LRRD1: variants seen among roughly 807,000 people sequenced by gnomAD.
LRRD1 encodes leucine rich repeats and death domain containing 1.
A neutral mutation model predicts 69.5 loss-of-function variants in LRRD1; 49 were observed. The ratio of observed to expected loss-of-function variants is 0.70; its 90% CI spans 0.56 to 0.89. The LOEUF is 0.89. Among genes scored for constraint, LRRD1 ranks in the 40% least tolerant of loss-of-function variants. The pLI is 0.00. For missense variants in LRRD1, 853 were observed against 956.0 expected, an observed-to-expected ratio of 0.89 and a Z score of 1.42; for synonymous variants, 303 against 338.9, an observed-to-expected ratio of 0.89 and a Z score of 1.16.
intron 3 of LRRD1, among the ~76,000 whole-genome samples, chr7:92,154,767 T>G (rs754386083): frequency 6.6e-6 from 1 of 152,202 alleles, no homozygotes; most frequent in Non-Finnish European, 1.5e-5. Flanking sequence ...CAGCAATATT[T>G]GTTGAAAATA....
chr7:92,154,115 G>A (rs1336521923), intron 3 of LRRD1, among the ~76,000 whole-genome samples: 1 of 152,192 alleles, frequency 6.6e-6, no homozygotes, highest in Non-Finnish European at 1.5e-5. Context: ...TGGGATTACA[G>A]GCATGAGCCA....
chr7:92,160,325 C>T (rs1788769963), intron 2 of LRRD1, among the ~76,000 whole-genome samples: 1 of 152,140 alleles, frequency 6.6e-6, no homozygotes, highest in African/African-American at 2.4e-5. Flanking sequence ...TAGTCTCCAA[C>T]TTCACGGAGA....
Position 92,159,023 on chromosome 7 carries a change from G to A in LRRD1, c.2098C>T (p.Gln700Ter). 1.3e-6 allele frequency: 2 copies of A among 1,544,898 alleles called. No homozygotes were observed. Among genetic ancestry groups the A allele is most frequent in the African/African-American group, 1.4e-5 (1 of 72,678 alleles). The change falls in exon 3 of 6, where the codon CAG (glutamine) becomes TAG (stop). Residue 700 changes from glutamine (Q) to a stop codon, truncating the protein, a stop_gained. Coordinates refer to ENST00000458448, the MANE Select transcript of LRRD1 (RefSeq NM_001161528.2). LOFTEE classifies it high-confidence loss of function. Reference protein sequence around the residue: ...PPSLLSLNDLQQLNLSGNNLT... With the variant: ...PPSLLSLNDL ...CACTCACCACTCAGGTTTAGTTGCTGCAGATCATTTAAAGATAGCAAAGAT... is the reference window on the plus strand; with the variant it reads ...CACTCACCACTCAGGTTTAGTTGCTACAGATCATTTAAAGATAGCAAAGAT...
intron 1 of LRRD1, among the ~76,000 whole-genome samples, chr7:92,170,379 A>T (rs1789028762): frequency 6.6e-6 from 1 of 152,222 alleles, no homozygotes; most frequent in African/African-American, 2.4e-5. Context: ...ATATCCAGAT[A>T]CAGGAAGGTC....
In LRRD1 at chr7:92,167,876, C is replaced by CAAAAAAA. The variant is rs542619786; in HGVS notation, c.-74-2607_-74-2601dup. Reference sequence around the variant, plus strand: ...TGGGCAACACAGCGAGACTCTGTCTCAAAAAAAAAAAAAAAAAAAAAAAAA... The same window carrying CAAAAAAA: ...TGGGCAACACAGCGAGACTCTGTCTCAAAAAAAAAAAAAAAAAAAAAAAAAAAAAAAA... On this transcript the variant is annotated intron_variant, in intron 1 of 5. Transcript: ENST00000458448. 6.7e-3 allele frequency among the ~76,000 whole-genome samples: 311 copies of CAAAAAAA among 46,222 alleles called. 16 individuals are homozygous for CAAAAAAA. The highest frequency in any genetic ancestry group is 0.024 in the African/African-American group (257 of 10,572). The allele number at this position is 46,222 out of a possible 152,430, so 30.3% of individuals were successfully genotyped here.
At chr7:92,170,731 C>T (rs78904342) in intron 1 of LRRD1, among the ~76,000 whole-genome samples, 241 of 152,310 alleles carry the variant, frequency 1.6e-3, no homozygotes, top group South Asian at 3.1e-3. Flanking sequence ...TTCACCTAAT[C>T]GCTGCACAAT....
intron 3 of LRRD1, among the ~76,000 whole-genome samples, chr7:92,151,892 G>A (rs1370624272): frequency 6.6e-6 from 1 of 151,190 alleles, no homozygotes; most frequent in Non-Finnish European, 1.5e-5. Context: ...GAGGTTGCAG[G>A]GAGCCGAGAT....
Position 92,170,147 on chromosome 7 carries a change from A to C in LRRD1, c.-74-4871T>G, listed in dbSNP as rs1027712256. On this transcript the variant is annotated intron_variant, in intron 1 of 5. Transcript: ENST00000458448. ...AAGGAAGGGAGGAAGGAAGGACGGAAGGAAGGAAGGAAGGAGGGAAGGAAG... is the reference window on the plus strand; with the variant it reads ...AAGGAAGGGAGGAAGGAAGGACGGACGGAAGGAAGGAAGGAGGGAAGGAAG... Among the ~76,000 whole-genome samples the C allele has an allele frequency of 2.3e-4, 35 of 151,542 alleles. 1 individual carries two copies. Among genetic ancestry groups the C allele is most frequent in the African/African-American group, 8.0e-4 (33 of 41,380 alleles).
At chr7:92,146,340 G>A (rs753837337) in intron 4 of LRRD1, 140 bp from the exon 5 acceptor site, 24 of 532,368 alleles carry the variant, frequency 4.5e-5, no homozygotes, top group Admixed American at 3.3e-4. Context: ...AATGCTGGCC[G>A]GGCACAGTGG....
At chr7:92,162,864 C>T (rs947246768) in intron 2 of LRRD1, among the ~76,000 whole-genome samples, 1 of 151,968 alleles carries the variant, frequency 6.6e-6, no homozygotes, top group East Asian at 1.9e-4. Context: ...ATATGCATAA[C>T]GGGAAAAAAG....
intron 1 of LRRD1, among the ~76,000 whole-genome samples, chr7:92,174,483 A>G (rs1354735448): frequency 2.4e-4 from 3 of 12,508 alleles, no homozygotes; most frequent in Admixed American, 1.1e-3. Flanking sequence ...ATATATATAT[A>G]TATATATATA....
chr7:92,152,793 C>T (rs965077868), intron 3 of LRRD1, among the ~76,000 whole-genome samples: 44 of 152,012 alleles, frequency 2.9e-4, no homozygotes, highest in Admixed American at 9.2e-4. Flanking sequence ...GCCTCACTCT[C>T]CTGAGTAGCT....
At chr7:92,156,458 CTTAT>C (rs1788659936) in intron 3 of LRRD1, among the ~76,000 whole-genome samples, 1 of 152,134 alleles carries the variant, frequency 6.6e-6, no homozygotes, top group Non-Finnish European at 1.5e-5. Flanking sequence ...TATCTCTCTA[CTTAT>C]TTAGGTTTAT....
At chr7:92,151,448 A>G (rs55783325) in intron 3 of LRRD1, among the ~76,000 whole-genome samples, 4 of 152,236 alleles carry the variant, frequency 2.6e-5, no homozygotes, top group Non-Finnish European at 5.9e-5. Flanking sequence ...TCATATCCGC[A>G]TGACATCACT....
rs1391671866 is a variant in LRRD1, at chr7:92,153,218, C to A, written c.2117-2523G>T. ...TAGCTGGGACCATAGGCACAAGCCACCATGCCCAGCTAATTTTTGTATTTT... is the reference window on the plus strand; with the variant it reads ...TAGCTGGGACCATAGGCACAAGCCAACATGCCCAGCTAATTTTTGTATTTT... On this transcript the variant is annotated intron_variant, in intron 3 of 5. Transcript: ENST00000458448. Among the ~76,000 whole-genome samples, 3 of 152,148 alleles carry A rather than the reference C, an allele frequency of 2.0e-5. No individual in the cohort carries two copies. In the East Asian group the frequency reaches 5.9e-4, roughly 30 times the overall value.
In LRRD1 at chr7:92,164,550, A is replaced by G. The variant is rs1788861399; in HGVS notation, c.653T>C (p.Val218Ala). Residue 218 changes from valine to alanine, a missense_variant, in exon 2 of 6, where the codon GTC (valine) becomes GCC (alanine). Val to Ala is a moderately conservative substitution (Grantham distance 64). Transcript: ENST00000458448. ...QLLHNLRILN[V>A]SHNHISHIPK... is the part of the protein sequence containing the mutation. Reference sequence around the variant, plus strand: ...TATATGTGATATGTGGTTATGACTGACATTTAATATCCTTAAATTATGAAG... The same window carrying G: ...TATATGTGATATGTGGTTATGACTGGCATTTAATATCCTTAAATTATGAAG... The G allele has an allele frequency of 6.5e-7, 1 of 1,550,336 alleles. No individual in the cohort carries two copies. The highest frequency in any genetic ancestry group is 1.4e-5 in the African/African-American group (1 of 73,028).
intron 3 of LRRD1, among the ~76,000 whole-genome samples, chr7:92,155,999 C>T (rs948584826): frequency 6.6e-5 from 10 of 152,208 alleles, no homozygotes; most frequent in Non-Finnish European, 8.8e-5. Context: ...GAGGGTGGGT[C>T]TGCCTCTCCC....
chr7:92,165,435 T>C (rs1437566457), intron 1 of LRRD1, among the ~76,000 whole-genome samples, 159 bp from the exon 2 acceptor site: 2 of 152,190 alleles, frequency 1.3e-5, no homozygotes, highest in Non-Finnish European at 2.9e-5. Flanking sequence ...TTAAGGATGG[T>C]TTATTGATTG....
rs1297752531 is a variant in LRRD1 at position 92,150,574 on chromosome 7, A to G, written c.2238T>C (p.Tyr746=). The G allele has an allele frequency of 1.4e-5, 21 of 1,551,532 alleles. No homozygotes were observed. Among genetic ancestry groups the G allele is most frequent in the South Asian group, 1.1e-4 (9 of 84,066 alleles). Residue 746 remains tyrosine, a synonymous_variant, in exon 4 of 6, where the codon TAT becomes TAC. Coordinates refer to ENST00000458448, the MANE Select transcript of LRRD1 (RefSeq NM_001161528.2). The part of the protein sequence containing the change: ...PVEICKGKQL[Y]TIARYLQRAD... The stretch of plus-strand genomic sequence containing the variant: ...CCCTCTGTAGATAGCGTGCAATAGT[A>G]TACAACTGTTTTCCTTTACAGATTT...
Sources: gnomAD v4.1 joint callset for allele counts (sites outside exome capture counted in the v4.1 genomes callset) on GRCh38, gnomAD v4.1.1 for gene constraint, MANE v1.5 for transcripts, NCBI Gene and HGNC (gene_info 2026-07-23, HGNC 2026-07-21) for gene names.